SNX2: variants seen among roughly 807,000 people sequenced by gnomAD.
The protein encoded by SNX2 is sorting nexin-2.
A neutral mutation model predicts 69.9 loss-of-function variants in SNX2; 25 were observed. The observed-to-expected ratio is 0.36, with a 90% CI of 0.26 to 0.50. The LOEUF (loss-of-function observed/expected upper bound fraction) is 0.50. Ranked by LOEUF, SNX2 falls within the 20% of genes least tolerant of loss-of-function variation. The probability of loss-of-function intolerance (pLI) is 0.97; values close to 1 mark genes in which losing one functional copy is unlikely to be tolerated. For missense variants in SNX2, 551 were observed against 613.3 expected, an observed-to-expected ratio of 0.90 and a Z score of 1.07; for synonymous variants, 229 against 200.4, an observed-to-expected ratio of 1.14 and a Z score of -1.20.
intron 1 of SNX2, among the ~76,000 whole-genome samples, chr5:122,787,001 T>C (rs868372260): frequency 1.3e-5 from 2 of 152,348 alleles, no homozygotes; most frequent in Middle Eastern, 6.8e-3. Flanking sequence ...AGATGTCTAC[T>C]CAGTTGTATA....
At chr5:122,813,053 T>C (rs1453397372) in intron 7 of SNX2, among the ~76,000 whole-genome samples, 1 of 152,218 alleles carries the variant, frequency 6.6e-6, no homozygotes, top group South Asian at 2.1e-4. Context: ...GGATGTGATA[T>C]TGATCAATTC....
At chr5:122,789,335 AT>A (rs1222814005) in intron 1 of SNX2, among the ~76,000 whole-genome samples, 2 of 152,202 alleles carry the variant, frequency 1.3e-5, no homozygotes, top group South Asian at 4.1e-4. Context: ...ATTTGCACAC[AT>A]TCATTCACAG....
intron 7 of SNX2, chr5:122,808,677 G>A (rs943319972): frequency 1.2e-5 from 2 of 167,872 alleles, no homozygotes; most frequent in Non-Finnish European, 2.6e-5. Context: ...TGTATCATAG[G>A]TAGTCACCAA....
intron 1 of SNX2, among the ~76,000 whole-genome samples, chr5:122,780,293 C>T (rs759240437): frequency 5.3e-5 from 8 of 152,110 alleles, no homozygotes; most frequent in Non-Finnish European, 1.0e-4. Flanking sequence ...TGAATAAATA[C>T]CTGCCATACC....
intron 1 of SNX2, among the ~76,000 whole-genome samples, chr5:122,778,305 A>G (rs1752898198): frequency 6.6e-6 from 1 of 152,170 alleles, no homozygotes; most frequent in African/African-American, 2.4e-5. Flanking sequence ...TATCGCCAAC[A>G]TATTTATTTC....
chr5:122,806,244 AT>A (rs1321695557), intron 6 of SNX2, among the ~76,000 whole-genome samples: 2 of 152,084 alleles, frequency 1.3e-5, no homozygotes, highest in South Asian at 4.1e-4. Flanking sequence ...CAGGAAAAAA[AT>A]AAATGTAGTC....
At chr5:122,795,628 T>G (rs1282016750) in intron 2 of SNX2, 3 of 322,648 alleles carry the variant, frequency 9.3e-6, no homozygotes, top group Non-Finnish European at 1.7e-5. Flanking sequence ...TATAATTTGA[T>G]TGGGGGCAGT....
intron 1 of SNX2, among the ~76,000 whole-genome samples, chr5:122,792,864 CAT>C (rs946811804): frequency 3.9e-5 from 6 of 152,090 alleles, no homozygotes; most frequent in African/African-American, 1.2e-4. Flanking sequence ...TCCCTTTAAA[CAT>C]ATGAAAAATT....
Position 122,831,123 on chromosome 5 carries a change from A to G in SNX2, c.*1475A>G, listed in dbSNP as rs1367567296. On this transcript the variant is annotated 3_prime_UTR_variant, in exon 15 of 15. Transcript: ENST00000379516. ...AGCTTAACCACCACATATCCCTTCC[A>G]TAGGAACAAGATATGGTATGTGTAA... is the stretch of plus-strand genomic sequence containing the variant. Among the ~76,000 whole-genome samples the G allele has an allele frequency of 6.6e-6, 1 of 151,838 alleles. No individual in the cohort carries two copies. The highest frequency in any genetic ancestry group is 1.5e-5 in the Non-Finnish European group (1 of 68,016).
chr5:122,795,227 C>A, intron 1 of SNX2, 39 bp from the exon 2 acceptor site: 2 of 1,292,616 alleles, frequency 1.5e-6, no homozygotes, highest in Non-Finnish European at 2.2e-6. Context: ...AACAGGTAAA[C>A]ATGCCAATCC....
chr5:122,779,453 A>G (rs1462378742), intron 1 of SNX2, among the ~76,000 whole-genome samples: 1 of 152,150 alleles, frequency 6.6e-6, no homozygotes, highest in African/African-American at 2.4e-5. Flanking sequence ...TTCCTTTAGT[A>G]CAATGGTTTC....
At chr5:122,823,339 A>G (rs1243521026) in intron 11 of SNX2, among the ~76,000 whole-genome samples, 1 of 116,536 alleles carries the variant, frequency 8.6e-6, no homozygotes, top group South Asian at 2.7e-4. Context: ...GTTAATTTGT[A>G]TATTTAAGAT....
rs1753960973 is a variant in SNX2 at position 122,819,070 on chromosome 5, A to G, written c.1212+47A>G. On this transcript the variant is annotated intron_variant, in intron 11 of 14. Coordinates refer to ENST00000379516, the MANE Select transcript of SNX2 (RefSeq NM_003100.4). ...TCTCACTTGTGTCGTGTACTTTAAA[A>G]AGTATTTTGTTTCCTATTAATTATG... is the stretch of plus-strand genomic sequence containing the variant. The G allele has an allele frequency of 2.1e-6, 3 of 1,455,288 alleles. No individual in the cohort carries two copies. The African/African-American group carries it at 4.2e-5, about 20-fold the overall frequency. 90.1% of individuals were successfully genotyped at this position (1,455,288 alleles called of 1,614,324 possible). A position where few individuals can be genotyped will look rare whatever the true frequency, so the allele number is the denominator to read the frequency against.
intron 1 of SNX2, among the ~76,000 whole-genome samples, chr5:122,781,989 G>A (rs1439814739): frequency 1.3e-5 from 2 of 152,058 alleles, no homozygotes; most frequent in Non-Finnish European, 2.9e-5. Context: ...TGGAAGGTAC[G>A]TGTCTTCGCA....
At chr5:122,783,795 TCTA>T (rs1753025627) in intron 1 of SNX2, among the ~76,000 whole-genome samples, 1 of 152,278 alleles carries the variant, frequency 6.6e-6, no homozygotes, top group African/African-American at 2.4e-5. Flanking sequence ...TTTGTTGATT[TCTA>T]CTGAAAAATC....
At chr5:122,811,001 A>G (rs926584062) in intron 7 of SNX2, among the ~76,000 whole-genome samples, 5 of 152,140 alleles carry the variant, frequency 3.3e-5, no homozygotes, top group Admixed American at 6.5e-5. Flanking sequence ...GCCCTTTCAT[A>G]TAGCCAGCTT....
At chr5:122,810,606 C>T (rs975554428) in intron 7 of SNX2, among the ~76,000 whole-genome samples, 9 of 151,986 alleles carry the variant, frequency 5.9e-5, no homozygotes, top group Admixed American at 2.0e-4. Flanking sequence ...TTTGATTCTA[C>T]CTTTACGTTT....
chr5:122,807,499 G>T (rs564485664), intron 6 of SNX2, among the ~76,000 whole-genome samples: 2 of 152,160 alleles, frequency 1.3e-5, no homozygotes. Context: ...TCATGCAGTA[G>T]ATGATTTTTT....
chr5:122,798,328 T>G (rs1753431827), intron 2 of SNX2, among the ~76,000 whole-genome samples: 1 of 152,294 alleles, frequency 6.6e-6, no homozygotes, highest in South Asian at 2.1e-4. Flanking sequence ...CTTCCTCTGG[T>G]TACCACAGTT....
Sources: gnomAD v4.1 joint callset for allele counts (sites outside exome capture counted in the v4.1 genomes callset) on GRCh38, gnomAD v4.1.1 for gene constraint, MANE v1.5 for transcripts, NCBI Gene and HGNC (gene_info 2026-07-23, HGNC 2026-07-21) for gene names.